The following MDGA2 variants were observed in gnomAD, a reference collection of about 807,000 sequenced individuals.
The protein encoded by MDGA2 is MAM domain-containing glycosylphosphatidylinositol anchor protein 2.
In MDGA2, 40 loss-of-function variants were observed where a neutral mutation model predicts 117.8. That is an observed-to-expected ratio of 0.34 (90% CI 0.26 to 0.44). MDGA2 has a LOEUF of 0.44. MDGA2 is among the 20% of genes least tolerant of loss of function. The probability of loss-of-function intolerance (pLI) is 1.00; values close to 1 mark genes in which losing one functional copy is unlikely to be tolerated. For missense variants in MDGA2, 1,123 were observed against 1,250.6 expected (o/e 0.90, Z 1.54); for synonymous variants, 452 against 439.0 (o/e 1.03, Z -0.37).
intron 1 of MDGA2, among the ~76,000 whole-genome samples, chr14:47,339,506 T>C (rs1274014239): frequency 6.6e-6 from 1 of 152,042 alleles, no homozygotes; most frequent in Non-Finnish European, 1.5e-5. Flanking sequence ...AATGGCTTAG[T>C]GTCTTCCTGG....
chr14:47,535,159 T>C (rs945453965), intron 1 of MDGA2, among the ~76,000 whole-genome samples: 2 of 152,134 alleles, frequency 1.3e-5, no homozygotes, highest in Non-Finnish European at 2.9e-5. Context: ...AAAAAAAAAA[T>C]TAAAAAGCAG....
At chr14:47,133,919 A>G (rs1449351476) in intron 4 of MDGA2, among the ~76,000 whole-genome samples, 1 of 152,002 alleles carries the variant, frequency 6.6e-6, no homozygotes, top group Non-Finnish European at 1.5e-5. Context: ...GATTGTACTT[A>G]GTATAGCTTA....
chr14:47,332,740 T>C (rs73251861), intron 1 of MDGA2, among the ~76,000 whole-genome samples: 6,178 of 151,980 alleles, frequency 0.041, 172 homozygotes, highest in African/African-American at 0.076. Context: ...GTCTGGGCTT[T>C]TAACGTAACC....
intron 6 of MDGA2, among the ~76,000 whole-genome samples, chr14:47,082,872 G>A (rs1253427398): frequency 6.6e-6 from 1 of 151,490 alleles, no homozygotes; most frequent in Non-Finnish European, 1.5e-5. Flanking sequence ...CAGATAATTG[G>A]AACCTATAAA....
chr14:47,349,810 T>C (rs1482732452), intron 1 of MDGA2, among the ~76,000 whole-genome samples: 2 of 152,220 alleles, frequency 1.3e-5, no homozygotes, highest in Non-Finnish European at 2.9e-5. Flanking sequence ...GTCCATTCTC[T>C]CTTCTTCTCA....
Position 47,499,371 on chromosome 14 carries a change from T to C in MDGA2, c.280+175146A>G, listed in dbSNP as rs1405405838. Among the ~76,000 whole-genome samples, 7 of 152,174 alleles carry C rather than the reference T, an allele frequency of 4.6e-5. No homozygotes were observed. In the South Asian group the frequency reaches 1.2e-3, roughly 27 times the overall value. ...TATATTTGTTAACATTGGAAAATCA[T>C]TGAAAACTAGTTTATATGTCTATGC... On this transcript the variant is annotated intron_variant, in intron 1 of 16. Coordinates refer to ENST00000399232, the MANE Select transcript of MDGA2 (RefSeq NM_001113498.3).
At chr14:47,498,968 G>A (rs2138669027) in intron 1 of MDGA2, among the ~76,000 whole-genome samples, 1 of 152,150 alleles carries the variant, frequency 6.6e-6, no homozygotes, top group Non-Finnish European at 1.5e-5. Flanking sequence ...TAGCAGGGAA[G>A]TAGTCACTCA....
chr14:47,088,334 A>T (rs2138931953), intron 6 of MDGA2, among the ~76,000 whole-genome samples: 1 of 152,260 alleles, frequency 6.6e-6, no homozygotes, highest in Middle Eastern at 3.4e-3. Flanking sequence ...TTACTACAGA[A>T]TATTAAATTG....
In MDGA2 at chr14:47,674,692, G is replaced by C. The variant is rs561651343; in HGVS notation, c.105C>G (p.Leu35=). The C allele has an allele frequency of 1.4e-5, 15 of 1,108,684 alleles. No individual in the cohort carries two copies. In the African/African-American group the frequency reaches 1.4e-4, roughly 10 times the overall value. 68.7% of individuals were successfully genotyped at this position (1,108,684 alleles called of 1,614,324 possible). A position where few individuals can be genotyped will look rare whatever the true frequency, so the allele number is the denominator to read the frequency against. ...GCTCCACTCGCGCCCGGGCCAAGCC[G>C]AGGTGCCCGGGAACCGCTCGCCGAA... ...FLLRRAVPGH[L]GLARARVERA... is the part of the protein sequence containing the mutation. Residue 35 remains leucine (L), a synonymous_variant, in exon 1 of 17, where the codon CTC becomes CTG. Coordinates refer to ENST00000399232, the MANE Select transcript of MDGA2 (RefSeq NM_001113498.3).
chr14:47,007,407 T>C (rs1182262815), intron 8 of MDGA2, among the ~76,000 whole-genome samples: 1 of 151,696 alleles, frequency 6.6e-6, no homozygotes, highest in African/African-American at 2.4e-5. Context: ...TGCTGTAGGG[T>C]TTCATGCATC....
rs1175489270 is a variant in MDGA2, at chr14:47,561,635, A to T, written c.280+112882T>A. ...GTCAAGGAGCTTTTGGGCAGAGACC[A>T]TGGGGTTTTCTAGGTGTTGAATCAT... On this transcript the variant is annotated intron_variant, in intron 1 of 16. Coordinates refer to ENST00000399232, the MANE Select transcript of MDGA2 (RefSeq NM_001113498.3). 2.0e-5 allele frequency among the ~76,000 whole-genome samples: 3 copies of T among 152,128 alleles called. No homozygotes were observed. The East Asian group carries it at 5.8e-4, about 29-fold the overall frequency.
At chr14:47,248,925 C>T (rs1330801143) in intron 2 of MDGA2, among the ~76,000 whole-genome samples, 1 of 151,706 alleles carries the variant, frequency 6.6e-6, no homozygotes, top group African/African-American at 2.4e-5. Context: ...TCCCTTCCTT[C>T]CTTCCTTCCC....
At chr14:47,524,674 TAA>T (rs1160105533) in intron 1 of MDGA2, among the ~76,000 whole-genome samples, 1 of 152,228 alleles carries the variant, frequency 6.6e-6, no homozygotes, top group African/African-American at 2.4e-5. Flanking sequence ...TCTCTCGTAC[TAA>T]GTTACATTAT....
At chr14:46,999,147 A>T (rs958906586) in intron 8 of MDGA2, among the ~76,000 whole-genome samples, 1 of 152,056 alleles carries the variant, frequency 6.6e-6, no homozygotes, top group African/African-American at 2.4e-5. Context: ...GCACCTTAAA[A>T]TACGATTTAA....
At chr14:47,447,703 C>G (rs1307314623) in intron 1 of MDGA2, among the ~76,000 whole-genome samples, 2 of 152,116 alleles carry the variant, frequency 1.3e-5, no homozygotes, top group Non-Finnish European at 2.9e-5. Context: ...CCATTATCAT[C>G]CATGGGAAAT....
At chr14:47,436,588 A>C (rs1329693779) in intron 1 of MDGA2, among the ~76,000 whole-genome samples, 1 of 152,126 alleles carries the variant, frequency 6.6e-6, no homozygotes, top group African/African-American at 2.4e-5. Flanking sequence ...AGTACCCTCT[A>C]GCCGAGGGGT....
intron 1 of MDGA2, among the ~76,000 whole-genome samples, chr14:47,336,496 T>A (rs145058508): frequency 8.9e-4 from 135 of 152,120 alleles, no homozygotes; most frequent in African/African-American, 3.1e-3. Flanking sequence ...TTATTTTTCT[T>A]ATTTTTGACG....
At chr14:46,987,033 A>G (rs114214115) in intron 8 of MDGA2, among the ~76,000 whole-genome samples, 2,635 of 152,188 alleles carry the variant, frequency 0.017, 69 homozygotes, top group African/African-American at 0.055. Flanking sequence ...GCATGTAGGT[A>G]TGCATGTGTG....
Position 46,873,486 on chromosome 14 carries a change from G to A in MDGA2, c.2699C>T (p.Thr900Ile), listed in dbSNP as rs1882098078. The change falls in exon 14 of 17, where the codon ACA (threonine) becomes ATA (isoleucine). Residue 900 changes from threonine (T) to isoleucine (I), a missense_variant. This residue lies in a region of MDGA2 where 890 missense variants were observed against 1,050.3 expected (regional missense o/e 0.85). Transcript: ENST00000399232. ...GAAGCTGAAACAATATGCAGTGTTT[G>A]TGGGTCCATAAGGGTTTTTGGGAGC... The part of the protein sequence containing the change: ...SIAPKNPYGP[T>I]NTAYCFSFFY... 2 of 1,612,518 alleles carry A rather than the reference G, an allele frequency of 1.2e-6. No homozygotes were observed. The highest frequency in any genetic ancestry group is 4.5e-5 in the East Asian group (2 of 44,818).
Sources: gnomAD v4.1 joint callset for allele counts (sites outside exome capture counted in the v4.1 genomes callset) on GRCh38, gnomAD v4.1.1 for gene constraint, gnomAD v4.1.1 regional missense constraint, MANE v1.5 for transcripts, NCBI Gene and HGNC (gene_info 2026-07-23, HGNC 2026-07-21) for gene names.